Variants in SPOCK1 observed in about 807,000 individuals in gnomAD.
The protein encoded by SPOCK1 is testican-1.
A neutral mutation model predicts 55.3 loss-of-function variants in SPOCK1; 23 were observed. The observed-to-expected ratio is 0.42, with a 90% CI of 0.30 to 0.59. The LOEUF is 0.59. SPOCK1 is among the 20% of genes least tolerant of loss of function. SPOCK1 has a pLI of 0.22. For missense variants in SPOCK1, 499 were observed against 552.5 expected (o/e 0.90, Z 0.97); for synonymous variants, 226 against 221.0 (o/e 1.02, Z -0.20).
chr5:136,982,168 T>G (rs889355550), intron 9 of SPOCK1, among the ~76,000 whole-genome samples: 2 of 152,164 alleles, frequency 1.3e-5, no homozygotes, highest in African/African-American at 4.8e-5. Context: ...TCAGAACCTA[T>G]CCCTGTCATT....
intron 6 of SPOCK1, among the ~76,000 whole-genome samples, chr5:137,023,039 G>A (rs1052050586): frequency 1.3e-5 from 2 of 152,166 alleles, no homozygotes; most frequent in African/African-American, 4.8e-5. Context: ...GTGGATACAG[G>A]CATAAATGCT....
intron 2 of SPOCK1, among the ~76,000 whole-genome samples, chr5:137,307,273 A>T (rs1757715221): frequency 6.6e-6 from 1 of 152,214 alleles, no homozygotes; most frequent in Non-Finnish European, 1.5e-5. Context: ...CCAGCCACTT[A>T]ACTGCCGTCT....
At chr5:137,286,256 T>C (rs149953112) in intron 2 of SPOCK1, among the ~76,000 whole-genome samples, 157 of 152,316 alleles carry the variant, frequency 1.0e-3, no homozygotes, top group African/African-American at 3.5e-3. Context: ...CTATATCACA[T>C]GGCCTCAAAA....
At chr5:137,371,400 G>T (rs577161704) in intron 2 of SPOCK1, among the ~76,000 whole-genome samples, 1 of 152,100 alleles carries the variant, frequency 6.6e-6, no homozygotes, top group Non-Finnish European at 1.5e-5. Flanking sequence ...CTTCCCAAAG[G>T]TTAGCTATTT....
intron 2 of SPOCK1, among the ~76,000 whole-genome samples, chr5:137,292,631 A>C (rs1257458491): frequency 2.6e-5 from 4 of 152,024 alleles, no homozygotes; most frequent in Non-Finnish European, 5.9e-5. Context: ...CTGCACATGA[A>C]TCTCTACAGC....
intron 6 of SPOCK1, among the ~76,000 whole-genome samples, chr5:137,042,207 G>A (rs1033533378): frequency 3.9e-5 from 6 of 152,156 alleles, no homozygotes; most frequent in South Asian, 2.1e-4. Context: ...GCATAAAAAG[G>A]CTATGTAATG....
intron 2 of SPOCK1, among the ~76,000 whole-genome samples, chr5:137,416,464 AC>A: frequency 6.6e-6 from 1 of 152,212 alleles, no homozygotes; most frequent in East Asian, 1.9e-4. Context: ...TTTTAAATAT[AC>A]CTATCGCATT....
intron 3 of SPOCK1, among the ~76,000 whole-genome samples, chr5:137,172,596 A>G (rs1009330188): frequency 1.1e-4 from 17 of 152,162 alleles, no homozygotes; most frequent in African/African-American, 4.1e-4. Flanking sequence ...CTAGGCCTAC[A>G]GTGCACACAG....
intron 5 of SPOCK1, among the ~76,000 whole-genome samples, chr5:137,074,567 A>G (rs1561599612): frequency 6.6e-6 from 1 of 152,236 alleles, no homozygotes. Context: ...CCCAGGCTGG[A>G]GTGCAGTGAC....
intron 5 of SPOCK1, among the ~76,000 whole-genome samples, chr5:137,102,693 T>G (rs187170967): frequency 4.6e-5 from 7 of 152,334 alleles, no homozygotes; most frequent in Non-Finnish European, 7.3e-5. Flanking sequence ...AGGGTTCAAA[T>G]ATCTACTCTG....
intron 2 of SPOCK1, among the ~76,000 whole-genome samples, chr5:137,405,892 C>G (rs1318727336): frequency 1.3e-5 from 2 of 152,150 alleles, no homozygotes; most frequent in African/African-American, 4.8e-5. Flanking sequence ...CCACAGGCTT[C>G]CTGCAATGGC....
At chr5:137,284,643 G>C (rs1757229854) in intron 2 of SPOCK1, among the ~76,000 whole-genome samples, 1 of 152,212 alleles carries the variant, frequency 6.6e-6, no homozygotes, top group African/African-American at 2.4e-5. Context: ...CTCATGAAAG[G>C]AGAAAATACA....
At chr5:137,403,262 T>G (rs1752022012) in intron 2 of SPOCK1, among the ~76,000 whole-genome samples, 1 of 152,196 alleles carries the variant, frequency 6.6e-6, no homozygotes, top group Admixed American at 6.5e-5. Flanking sequence ...TGAGCTTCCC[T>G]GCTGGGCAGT....
intron 3 of SPOCK1, among the ~76,000 whole-genome samples, chr5:137,214,356 G>C (rs1442065384): frequency 6.6e-6 from 1 of 152,114 alleles, no homozygotes; most frequent in Non-Finnish European, 1.5e-5. Flanking sequence ...CCTCCCTAGA[G>C]TACCAATGCC....
chr5:136,997,108 T>G (rs914573615), intron 6 of SPOCK1, among the ~76,000 whole-genome samples: 1 of 152,186 alleles, frequency 6.6e-6, no homozygotes, highest in African/African-American at 2.4e-5. Flanking sequence ...TTCTACACGT[T>G]ATGACGTATC....
At chr5:137,080,757 C>T (rs1752866410) in intron 5 of SPOCK1, among the ~76,000 whole-genome samples, 1 of 152,182 alleles carries the variant, frequency 6.6e-6, no homozygotes, top group South Asian at 2.1e-4. Context: ...AAAGAAAGAA[C>T]AAGTTTCTTG....
chr5:137,100,961 T>C (rs567969336), intron 5 of SPOCK1, among the ~76,000 whole-genome samples: 27 of 152,104 alleles, frequency 1.8e-4, no homozygotes, highest in African/African-American at 6.5e-4. Context: ...TGGCAACAAC[T>C]CATGGTAAGT....
At chr5:137,159,802 A>AAT (rs1754489448) in intron 3 of SPOCK1, among the ~76,000 whole-genome samples, 1 of 152,088 alleles carries the variant, frequency 6.6e-6, no homozygotes, top group Non-Finnish European at 1.5e-5. Context: ...TTTTAATTCT[A>AAT]GTTCTCTTTC....
chr5:137,084,509 C>T (rs977104632), intron 5 of SPOCK1, among the ~76,000 whole-genome samples: 1 of 151,980 alleles, frequency 6.6e-6, no homozygotes. Context: ...AGGAAACACA[C>T]AAGGGATGGA....
Sources: gnomAD v4.1 joint callset for allele counts (sites outside exome capture counted in the v4.1 genomes callset) on GRCh38, gnomAD v4.1.1 for gene constraint, MANE v1.5 for transcripts, NCBI Gene and HGNC (gene_info 2026-07-23, HGNC 2026-07-21) for gene names.